The following FNDC3B variants were observed in gnomAD, a reference collection of about 807,000 sequenced individuals.
FNDC3B encodes fibronectin type III domain containing 3B.
FNDC3B carries 12 observed loss-of-function variants against 151.5 expected under a neutral mutation model. The ratio of observed to expected loss-of-function variants is 0.08; its 90% CI spans 0.05 to 0.13. The LOEUF (loss-of-function observed/expected upper bound fraction) is 0.13. Ranked by LOEUF, FNDC3B falls within the 10% of genes least tolerant of loss-of-function variation. The pLI, the probability that FNDC3B is intolerant of heterozygous loss-of-function variation, is 1.00. For missense variants in FNDC3B, 1,214 were observed against 1,505.3 expected (o/e 0.81, Z 3.20); for synonymous variants, 528 against 549.0 (o/e 0.96, Z 0.54).
At chr3:172,083,545 G>C (rs1443573097) in intron 1 of FNDC3B, among the ~76,000 whole-genome samples, 1 of 152,206 alleles carries the variant, frequency 6.6e-6, no homozygotes, top group East Asian at 1.9e-4. Context: ...AAGCATGAGA[G>C]ACCTATGGAG....
chr3:172,301,569 A>G (rs1052298128), intron 9 of FNDC3B: 2 of 152,258 alleles, frequency 1.3e-5, no homozygotes, highest in East Asian at 1.9e-4. Flanking sequence ...GACAGCTGCA[A>G]AATAAACAAT....
At chr3:172,076,524 G>T (rs532196372) in intron 1 of FNDC3B, among the ~76,000 whole-genome samples, 147 of 152,264 alleles carry the variant, frequency 9.7e-4, no homozygotes, top group Middle Eastern at 6.8e-3. Context: ...AGTTCCTCCT[G>T]CCTTTCCACT....
chr3:172,123,561 G>A (rs1326781648), intron 2 of FNDC3B, among the ~76,000 whole-genome samples: 1 of 152,148 alleles, frequency 6.6e-6, no homozygotes, highest in African/African-American at 2.4e-5. Context: ...TCTAGTTCAA[G>A]GGAGAAGCTG....
In FNDC3B at chr3:172,378,440, T is replaced by C. The variant is rs2108368015; in HGVS notation, c.3175+4T>C. 6.3e-7 allele frequency: 1 copy of C among 1,599,048 alleles called. No individual in the cohort carries two copies. Among genetic ancestry groups the C allele is most frequent in the South Asian group, 1.1e-5 (1 of 88,604 alleles). ...AGTGTCCCCCCCACCATCAAAGGTG[T>C]GTAGACTATGTATTCTTTCTCGCTC... On this transcript the variant is annotated splice_donor_region_variant and intron_variant, in intron 24 of 25. Coordinates refer to ENST00000415807, the MANE Select transcript of FNDC3B (RefSeq NM_022763.4).
intron 8 of FNDC3B, 83 bp downstream of exon 8, chr3:172,295,597 C>T (rs2108840997): frequency 1.5e-6 from 2 of 1,378,504 alleles, no homozygotes; most frequent in East Asian, 2.3e-5. Flanking sequence ...AAAGGAAAAC[C>T]TTATAGGCTT....
chr3:172,167,340 G>A (rs547506863), intron 3 of FNDC3B, among the ~76,000 whole-genome samples: 16 of 152,324 alleles, frequency 1.1e-4, no homozygotes, highest in South Asian at 6.2e-4. Flanking sequence ...AGGTTGCAGT[G>A]AGCCAAGACG....
chr3:172,040,440 T>C lies in FNDC3B; in HGVS notation c.-29+669T>C, dbSNP rs1715971243. Reference sequence around the variant, plus strand: ...CTCTCCGGGACACTCCCCGCCCCGCTGCTGGCCACCTCCGAGCACGCCACG... The same window carrying C: ...CTCTCCGGGACACTCCCCGCCCCGCCGCTGGCCACCTCCGAGCACGCCACG... On this transcript the variant is annotated intron_variant, in intron 1 of 25. Transcript: ENST00000415807. This position sits in a 1 kb window ranked among gnomAD's most constrained non-coding sequence, Gnocchi z 6.6. The C allele has an allele frequency of 6.6e-6, 1 of 151,970 alleles. No individual in the cohort carries two copies. The highest frequency in any genetic ancestry group is 2.1e-4 in the South Asian group (1 of 4,836). 9.4% of individuals were successfully genotyped at this position (151,970 alleles called of 1,614,324 possible). A position where few individuals can be genotyped will look rare whatever the true frequency, so the allele number is the denominator to read the frequency against.
At chr3:172,346,555 T>TTTTG (rs1272958070) in intron 20 of FNDC3B, 115 bp downstream of exon 20, 1 of 622,948 alleles carries the variant, frequency 1.6e-6, no homozygotes, top group Non-Finnish European at 2.8e-6. Flanking sequence ...ATTTTTTTTT[T>TTTTG]TTTTTTGCTC....
chr3:172,111,104 A>G (rs991676597), intron 1 of FNDC3B, among the ~76,000 whole-genome samples: 1 of 151,648 alleles, frequency 6.6e-6, no homozygotes, highest in Non-Finnish European at 1.5e-5. Flanking sequence ...ATTAAAAAAA[A>G]AAAAAAAAAA....
intron 6 of FNDC3B, among the ~76,000 whole-genome samples, chr3:172,261,637 A>C (rs1207343177): frequency 6.6e-6 from 1 of 152,210 alleles, no homozygotes; most frequent in Admixed American, 6.5e-5. Context: ...AGTAGATAAC[A>C]CAAGTGTGAT....
At chr3:172,092,285 G>C (rs1342762565) in intron 1 of FNDC3B, among the ~76,000 whole-genome samples, 1 of 152,142 alleles carries the variant, frequency 6.6e-6, no homozygotes, top group Non-Finnish European at 1.5e-5. Context: ...TTGGCTATCA[G>C]TTAAGGAGTT....
At chr3:172,169,458 G>GT (rs1182419411) in intron 3 of FNDC3B, among the ~76,000 whole-genome samples, 1 of 152,192 alleles carries the variant, frequency 6.6e-6, no homozygotes, top group African/African-American at 2.4e-5. Context: ...CTAGAGTGAT[G>GT]TTTTTTAAGC....
In FNDC3B at chr3:172,039,626, C is replaced by A. The variant is rs112917114; in HGVS notation, c.-174C>A. The A allele has an allele frequency of 0.014, 2,223 of 160,856 alleles. 57 individuals carry two copies. Among genetic ancestry groups the A allele is most frequent in the African/African-American group, 0.051 (2,114 of 41,608 alleles). The allele number at this position is 160,856 out of a possible 1,614,324, so 10.0% of individuals were successfully genotyped here. ...CAAACCCTCCTGGTAGTTATTTGAGCGGCGGCGGCGGCGGCTGGAGGAGGA... is the reference window on the plus strand; with the variant it reads ...CAAACCCTCCTGGTAGTTATTTGAGAGGCGGCGGCGGCGGCTGGAGGAGGA... On this transcript the variant is annotated 5_prime_UTR_variant, in exon 1 of 26. Transcript: ENST00000415807.
At chr3:172,317,135 A>C (rs912540649) in intron 11 of FNDC3B, 1 of 444,830 alleles carries the variant, frequency 2.2e-6, no homozygotes, top group Non-Finnish European at 4.5e-6. Flanking sequence ...AGGAAAAAAA[A>C]ATGACCACCT....
At chr3:172,120,701 A>G (rs1217647023) in intron 2 of FNDC3B, among the ~76,000 whole-genome samples, 1 of 152,172 alleles carries the variant, frequency 6.6e-6, no homozygotes. Flanking sequence ...TGGAAAAACC[A>G]GAAGACATAC....
intron 4 of FNDC3B, among the ~76,000 whole-genome samples, chr3:172,231,370 G>A (rs538389889): frequency 6.6e-6 from 1 of 152,266 alleles, no homozygotes; most frequent in African/African-American, 2.4e-5. Context: ...TAGTGGTAGT[G>A]GTTACTTAAC....
At chr3:172,213,378 C>T (rs1158363111) in intron 3 of FNDC3B, among the ~76,000 whole-genome samples, 2 of 152,190 alleles carry the variant, frequency 1.3e-5, no homozygotes, top group Non-Finnish European at 2.9e-5. Flanking sequence ...CAGTTTAAGT[C>T]ATGGGGAAGA....
intron 1 of FNDC3B, among the ~76,000 whole-genome samples, chr3:172,101,354 T>G (rs1175018694): frequency 1.3e-5 from 2 of 152,218 alleles, no homozygotes; most frequent in Admixed American, 1.3e-4. Flanking sequence ...TGCAGATTCG[T>G]TTTTAGTTAA....
At chr3:172,224,429 G>A (rs1726446287) in intron 3 of FNDC3B, among the ~76,000 whole-genome samples, 2 of 152,236 alleles carry the variant, frequency 1.3e-5, no homozygotes, top group African/African-American at 4.8e-5. Context: ...TACAGTTACA[G>A]AGATGACCAG....
Sources: allele counts gnomAD v4.1 joint callset (sites outside exome capture counted in the v4.1 genomes callset), GRCh38; gene constraint gnomAD v4.1.1; non-coding constraint Gnocchi (gnomAD v3.1); transcripts MANE v1.5; gene names NCBI Gene and HGNC (gene_info 2026-07-23, HGNC 2026-07-21).